Variants in TULP3 observed in about 807,000 individuals in gnomAD.
TULP3 encodes tubby-related protein 3.
A neutral mutation model predicts 50.7 loss-of-function variants in TULP3; 38 were observed. The ratio of observed to expected loss-of-function variants is 0.75; its 90% CI spans 0.58 to 0.98. TULP3 has a LOEUF of 0.98. TULP3 is among the 50% of genes least tolerant of loss of function. The pLI, the probability that TULP3 is intolerant of heterozygous loss-of-function variation, is 0.00. For missense variants in TULP3, 550 were observed against 568.0 expected, an observed-to-expected ratio of 0.97 and a Z score of 0.32; for synonymous variants, 183 against 196.6, an observed-to-expected ratio of 0.93 and a Z score of 0.58.
chr12:2,928,021 G>T (rs1307293996), intron 4 of TULP3, among the ~76,000 whole-genome samples: 1 of 152,100 alleles, frequency 6.6e-6, no homozygotes, highest in Admixed American at 6.6e-5. Context: ...TTTTACATCT[G>T]CATTCCTCTC....
intron 1 of TULP3, among the ~76,000 whole-genome samples, chr12:2,894,185 G>T (rs2098173996): frequency 1.3e-5 from 2 of 151,128 alleles, no homozygotes; most frequent in African/African-American, 2.4e-5. Context: ...ATCCCAGTCG[G>T]TGGTTTGTCC....
At chr12:2,914,670 T>A (rs559564247) in intron 2 of TULP3, among the ~76,000 whole-genome samples, 1 of 152,292 alleles carries the variant, frequency 6.6e-6, no homozygotes, top group African/African-American at 2.4e-5. Flanking sequence ...TCTTTCTCTG[T>A]TGCCCAGGTT....
intron 2 of TULP3, among the ~76,000 whole-genome samples, chr12:2,916,282 A>G (rs7978408): frequency 0.48 from 72,720 of 152,090 alleles, 17,873 homozygotes; most frequent in African/African-American, 0.6. Context: ...GATTACAGGC[A>G]TGAGCCACTG....
chr12:2,938,910 T>G (rs1591540417), intron 10 of TULP3, among the ~76,000 whole-genome samples: 1 of 151,996 alleles, frequency 6.6e-6, no homozygotes, highest in South Asian at 2.1e-4. Context: ...CTGCTCTCTA[T>G]TCTACAGAAA....
intron 1 of TULP3, among the ~76,000 whole-genome samples, chr12:2,908,316 G>A (rs964145047): frequency 6.6e-6 from 1 of 152,138 alleles, no homozygotes; most frequent in Non-Finnish European, 1.5e-5. Flanking sequence ...AAATAATTGA[G>A]AACCATTTAT....
intron 1 of TULP3, among the ~76,000 whole-genome samples, chr12:2,893,185 A>G (rs138914575): frequency 9.2e-5 from 14 of 152,142 alleles, no homozygotes; most frequent in African/African-American, 3.1e-4. Flanking sequence ...ATTGACATCA[A>G]AGGGGAATGT....
In TULP3 at chr12:2,922,351, A is replaced by G; in HGVS notation, c.343A>G (p.Thr115Ala). The change falls in exon 4 of 11, where the codon ACC becomes GCC. Residue 115 changes from threonine (T) to alanine (A), a missense_variant. Coordinates refer to ENST00000448120, the MANE Select transcript of TULP3 (RefSeq NM_003324.5). ...TGTTGTGGAAGAAGATGCTGAAAAC[A>G]CCGTGGATACTGCTTCCAAGCCAGG... Reference protein sequence around the residue: ...SSVVEEDAENTVDTASKPGLQ... With the variant: ...SSVVEEDAENAVDTASKPGLQ... 6.2e-7 allele frequency: 1 copy of G among 1,614,160 alleles called. No individual in the cohort carries two copies.
At chr12:2,917,553 G>T (rs541704396) in intron 2 of TULP3, among the ~76,000 whole-genome samples, 1 of 151,822 alleles carries the variant, frequency 6.6e-6, no homozygotes, top group South Asian at 2.1e-4. Flanking sequence ...CCCTTTTCTA[G>T]ACCACAGCAG....
At chr12:2,909,269 C>G (rs1157431057) in intron 1 of TULP3, among the ~76,000 whole-genome samples, 1 of 152,066 alleles carries the variant, frequency 6.6e-6, no homozygotes, top group Non-Finnish European at 1.5e-5. Context: ...AAAGGAAATC[C>G]CTGCATGCGT....
At position 2,931,131 on chromosome 12, in the gene TULP3, C is replaced by T; in HGVS notation, c.587C>T (p.Ala196Val). The T allele has an allele frequency of 6.2e-7, 1 of 1,614,140 alleles. No homozygotes were observed. Residue 196 changes from alanine to valine, a missense_variant, in exon 6 of 11, where the codon GCC (alanine) becomes GTC (valine). Ala to Val is a moderately conservative substitution (Grantham distance 64, BLOSUM62 0). Coordinates refer to ENST00000448120, the MANE Select transcript of TULP3 (RefSeq NM_003324.5). ...CTGGAGGACTTTGTGTATAGTCCTG[C>T]CCCTCAAGGTGTCACAGTAAGATGT... ...DDLEDFVYSP[A>V]PQGVTVRCRI... is the part of the protein sequence containing the mutation.
chr12:2,935,397 C>T (rs192231423), intron 8 of TULP3, among the ~76,000 whole-genome samples: 53 of 152,324 alleles, frequency 3.5e-4, no homozygotes, highest in Admixed American at 3.5e-3. Context: ...TTTGTTATTA[C>T]TTGTTCAACA....
Position 2,912,867 on chromosome 12 carries a change from G to A in TULP3, c.93+3287G>A, listed in dbSNP as rs777031648. ...AGGATTAATTCACCTCTTCTGAAGGGATATACCTACCCAAGGAAGGAGATT... is the reference window on the plus strand; with the variant it reads ...AGGATTAATTCACCTCTTCTGAAGGAATATACCTACCCAAGGAAGGAGATT... On this transcript the variant is annotated intron_variant, in intron 2 of 10. Transcript: ENST00000448120. Among the ~76,000 whole-genome samples the A allele has an allele frequency of 8.5e-5, 13 of 152,144 alleles. 1 individual carries two copies. The highest frequency in any genetic ancestry group is 8.3e-4 in the South Asian group (4 of 4,830).
intron 1 of TULP3, among the ~76,000 whole-genome samples, chr12:2,908,491 C>T (rs1034946): frequency 1.3e-5 from 2 of 151,730 alleles, no homozygotes; most frequent in African/African-American, 2.4e-5. Context: ...GGAGTGCAAT[C>T]GTGTGATCTT....
chr12:2,922,706 CAG>C (rs1221762349), intron 4 of TULP3, among the ~76,000 whole-genome samples: 4 of 152,170 alleles, frequency 2.6e-5, no homozygotes, highest in Admixed American at 6.6e-5. Flanking sequence ...CTTCTTCTGA[CAG>C]AGTTGTCACT....
chr12:2,923,902 C>T (rs1242593226), intron 4 of TULP3, among the ~76,000 whole-genome samples: 1 of 151,440 alleles, frequency 6.6e-6, no homozygotes, highest in Non-Finnish European at 1.5e-5. Context: ...ATGGCTTGAG[C>T]CTGGGAAGTG....
At chr12:2,929,176 G>A (rs980906423) in intron 4 of TULP3, among the ~76,000 whole-genome samples, 3 of 152,014 alleles carry the variant, frequency 2.0e-5, no homozygotes, top group Admixed American at 6.6e-5. Flanking sequence ...AATTAGCCGG[G>A]CATGGTGGCG....
intron 1 of TULP3, among the ~76,000 whole-genome samples, chr12:2,898,967 C>G (rs1157452593): frequency 6.6e-6 from 1 of 152,176 alleles, no homozygotes; most frequent in Non-Finnish European, 1.5e-5. Flanking sequence ...GCATGAGTCA[C>G]TGCACCTGGT....
rs1042516408 is a variant in TULP3 at position 2,940,978 on chromosome 12, T to C, written c.*1534T>C. ...ACGACAGCATGTGGGGAAGGACTTA[T>C]GGTGGGCCAGGTGGACCTCATCCTG... On this transcript the variant is annotated 3_prime_UTR_variant, in exon 11 of 11. Coordinates refer to ENST00000448120, the MANE Select transcript of TULP3 (RefSeq NM_003324.5). 20 of 466,992 alleles carry C rather than the reference T, an allele frequency of 4.3e-5. No individual in the cohort carries two copies. Among genetic ancestry groups the C allele is most frequent in the African/African-American group, 1.6e-4 (8 of 50,606 alleles). 28.9% of individuals were successfully genotyped at this position (466,992 alleles called of 1,614,324 possible).
chr12:2,917,014 G>A (rs948303404), intron 2 of TULP3, among the ~76,000 whole-genome samples: 1 of 152,142 alleles, frequency 6.6e-6, no homozygotes, highest in Admixed American at 6.6e-5. Context: ...TAACAAGTGA[G>A]AGCTTAGTTT....
Sources: gnomAD v4.1 joint callset for allele counts (sites outside exome capture counted in the v4.1 genomes callset) on GRCh38, gnomAD v4.1.1 for gene constraint, MANE v1.5 for transcripts, NCBI Gene and HGNC (gene_info 2026-07-23, HGNC 2026-07-21) for gene names.